ASXL1: variants seen among roughly 807,000 people sequenced by gnomAD.
ASXL1 encodes polycomb group protein ASXL1.
A neutral mutation model predicts 89.1 loss-of-function variants in ASXL1; 65 were observed. That is an observed-to-expected ratio of 0.73 (90% CI 0.60 to 0.90). ASXL1 has a LOEUF of 0.90. ASXL1 is among the 40% of genes least tolerant of loss of function. ASXL1 has a pLI of 0.00. For missense variants in ASXL1, 1,786 were observed against 1,942.9 expected (o/e 0.92, Z 1.52); for synonymous variants, 739 against 746.9 (o/e 0.99, Z 0.17).
chr20:32,411,641 A>G (rs970765533), intron 4 of ASXL1, among the ~76,000 whole-genome samples: 1 of 150,740 alleles, frequency 6.6e-6, no homozygotes, highest in Non-Finnish European at 1.5e-5. Flanking sequence ...GCCTGGGTTC[A>G]AGTGATTCTC....
At chr20:32,368,663 A>T (rs2048244600) in intron 3 of ASXL1, among the ~76,000 whole-genome samples, 1 of 152,206 alleles carries the variant, frequency 6.6e-6, no homozygotes, top group Non-Finnish European at 1.5e-5. Flanking sequence ...GAAACTTTTA[A>T]TAGTAAAATT....
At chr20:32,367,244 C>T (rs1278472736) in intron 2 of ASXL1, among the ~76,000 whole-genome samples, 2 of 152,108 alleles carry the variant, frequency 1.3e-5, no homozygotes, top group African/African-American at 2.4e-5. Context: ...GGCATGGTGA[C>T]GCATGCCTGT....
chr20:32,379,038 A>G (rs2122907480), intron 4 of ASXL1, among the ~76,000 whole-genome samples: 1 of 151,630 alleles, frequency 6.6e-6, no homozygotes, highest in Non-Finnish European at 1.5e-5. Flanking sequence ...AGGCTGAGGC[A>G]GGAGAATCAC....
chr20:32,368,913 C>T, intron 3 of ASXL1, 102 bp from the exon 4 acceptor site: 2 of 903,516 alleles, frequency 2.2e-6, no homozygotes, highest in Non-Finnish European at 3.4e-6. Context: ...TTCTGTATTT[C>T]TTGCTTAGCT....
At position 32,432,973 on chromosome 20, in the gene ASXL1, A is replaced by G. The variant is rs1415471931; in HGVS notation, c.1073A>G (p.Tyr358Cys). The change falls in exon 11 of 13, where the codon TAC becomes TGC. Residue 358 changes from tyrosine to cysteine, a missense_variant. Tyr to Cys is a radical substitution (Grantham distance 194, BLOSUM62 -2). Transcript: ENST00000375687. ...EQWKEKFFED[Y>C]YGQKLGLTKE... ...TGGAAAGAAAAGTTCTTTGAAGACTACTATGGACAGAAGTAAGGCAGTTGG... is the reference window on the plus strand; with the variant it reads ...TGGAAAGAAAAGTTCTTTGAAGACTGCTATGGACAGAAGTAAGGCAGTTGG... 6 of 1,613,830 alleles carry G rather than the reference A, an allele frequency of 3.7e-6. No homozygotes were observed. Among genetic ancestry groups the G allele is most frequent in the Admixed American group, 3.3e-5 (2 of 60,010 alleles).
Position 32,436,701 on chromosome 20 carries a change from C to T in ASXL1, c.3989C>T (p.Pro1330Leu), listed in dbSNP as rs201002256. Reference sequence around the variant, plus strand: ...CCGATGCCTCTTCCTGCTGAGATCCCTCCAGTTTTTCCCAGTGGGAAGTTG... The same window carrying T: ...CCGATGCCTCTTCCTGCTGAGATCCTTCCAGTTTTTCCCAGTGGGAAGTTG... ...ADPMPLPAEI[P>L]PVFPSGKLGP... The change falls in exon 13 of 13, where the codon CCT (proline) becomes CTT (leucine). Residue 1330 changes from proline (P) to leucine (L), a missense_variant. By Grantham distance (98) the Pro-to-Leu change is moderately conservative (BLOSUM62 -3). Around this residue, in one of 3 missense-constraint regions of ASXL1, gnomAD observed 1,418 missense variants for 1,427.8 expected, o/e 0.99. Coordinates refer to ENST00000375687, the MANE Select transcript of ASXL1 (RefSeq NM_015338.6). The T allele has an allele frequency of 6.2e-7, 1 of 1,614,030 alleles. No homozygotes were observed. Among genetic ancestry groups the T allele is most frequent in the Admixed American group, 1.7e-5 (1 of 60,034 alleles).
chr20:32,430,115 G>T, intron 8 of ASXL1, 62 bp downstream of exon 8: 1 of 1,554,306 alleles, frequency 6.4e-7, no homozygotes, highest in Non-Finnish European at 8.7e-7. Flanking sequence ...CTAGTGAGAA[G>T]ATGATGTCTT....
intron 4 of ASXL1, among the ~76,000 whole-genome samples, chr20:32,378,308 C>T (rs2048424229): frequency 6.6e-6 from 1 of 151,948 alleles, no homozygotes; most frequent in Non-Finnish European, 1.5e-5. Context: ...GCGTGAACCA[C>T]CATGCCCAGC....
Position 32,437,404 on chromosome 20 carries a change from T to C in ASXL1, c.*66T>C. 14 of 1,584,854 alleles carry C rather than the reference T, an allele frequency of 8.8e-6. No homozygotes were observed. Among genetic ancestry groups the C allele is most frequent in the Non-Finnish European group, 1.2e-5 (14 of 1,154,246 alleles). ...TATTTTGATAATGATTGATCTTAAA[T>C]CTGTATACAGAATATCATTGATATA... is the stretch of plus-strand genomic sequence containing the variant. On this transcript the variant is annotated 3_prime_UTR_variant, in exon 13 of 13. Transcript: ENST00000375687.
chr20:32,425,774 T>A (rs1180451726), intron 4 of ASXL1, among the ~76,000 whole-genome samples: 4 of 152,146 alleles, frequency 2.6e-5, no homozygotes, highest in African/African-American at 7.2e-5. Context: ...TGGCACAATC[T>A]TGGCTCACTA....
chr20:32,360,556 A>C (rs1216966941), intron 1 of ASXL1: 3 of 152,610 alleles, frequency 2.0e-5, no homozygotes, highest in Admixed American at 6.5e-5. Context: ...CACCCAAGGA[A>C]ATTTGCTTGC....
chr20:32,394,182 T>G (rs189881602), intron 4 of ASXL1, among the ~76,000 whole-genome samples: 5 of 152,218 alleles, frequency 3.3e-5, no homozygotes, highest in Admixed American at 6.5e-5. Flanking sequence ...TTTTGTATTT[T>G]TAGTAGAGAC....
intron 4 of ASXL1, among the ~76,000 whole-genome samples, chr20:32,391,257 A>T (rs914993114): frequency 1.2e-4 from 19 of 152,266 alleles, no homozygotes; most frequent in Non-Finnish European, 2.5e-4. Flanking sequence ...TTGCGTATTC[A>T]TTCTTCAGTT....
rs564616270 is a variant in ASXL1, at chr20:32,437,719, C to T, written c.*381C>T. ...AACCTACCTGAACTAAGTAGAAATG[C>T]CAGTCTTCCACTACCCCCTCCCTGC... On this transcript the variant is annotated 3_prime_UTR_variant, in exon 13 of 13. Transcript: ENST00000375687. 5 of 316,650 alleles carry T rather than the reference C, an allele frequency of 1.6e-5. No individual in the cohort carries two copies. In the South Asian group the frequency reaches 2.9e-4, roughly 18 times the overall value. 19.6% of individuals were successfully genotyped at this position (316,650 alleles called of 1,614,324 possible).
chr20:32,416,758 CT>C (rs1402815509), intron 4 of ASXL1, among the ~76,000 whole-genome samples: 3 of 152,112 alleles, frequency 2.0e-5, no homozygotes, highest in Non-Finnish European at 4.4e-5. Context: ...CTTGGAGGCT[CT>C]TTCTGTGGGG....
At chr20:32,395,166 A>G (rs981907057) in intron 4 of ASXL1, among the ~76,000 whole-genome samples, 2 of 152,018 alleles carry the variant, frequency 1.3e-5, no homozygotes, top group Non-Finnish European at 2.9e-5. Context: ...CTGCCAGAGG[A>G]CTTCCTTTAA....
At chr20:32,382,802 TGC>T (rs906197350) in intron 4 of ASXL1, among the ~76,000 whole-genome samples, 3 of 152,002 alleles carry the variant, frequency 2.0e-5, no homozygotes, top group African/African-American at 4.8e-5. Flanking sequence ...AATGAATTTT[TGC>T]ATTCATTTAA....
chr20:32,436,527 C>G lies in ASXL1; in HGVS notation c.3815C>G (p.Pro1272Arg). 6.2e-7 allele frequency: 1 copy of G among 1,614,242 alleles called. No individual in the cohort carries two copies. The highest frequency in any genetic ancestry group is 8.5e-7 in the Non-Finnish European group (1 of 1,180,042). The change falls in exon 13 of 13, where the codon CCT becomes CGT. Residue 1272 changes from proline (P) to arginine (R), a missense_variant. Coordinates refer to ENST00000375687, the MANE Select transcript of ASXL1 (RefSeq NM_015338.6). ...SPGDLTTSRT[P>R]RFSSPNVISF... The stretch of plus-strand genomic sequence containing the variant: ...GGAGATCTTACTACCTCGAGAACAC[C>G]TCGTTTCTCATCTCCAAATGTGATC...
intron 4 of ASXL1, among the ~76,000 whole-genome samples, chr20:32,377,068 T>G (rs1277253601): frequency 2.1e-5 from 3 of 140,650 alleles, no homozygotes; most frequent in Non-Finnish European, 3.0e-5. Flanking sequence ...CTATTATATA[T>G]TATATATAAT....
Sources: allele counts gnomAD v4.1 joint callset (sites outside exome capture counted in the v4.1 genomes callset), GRCh38; gene constraint gnomAD v4.1.1; regional missense constraint gnomAD v4.1.1; transcripts MANE v1.5; gene names NCBI Gene and HGNC (gene_info 2026-07-23, HGNC 2026-07-21).